CLTA: variants seen among roughly 807,000 people sequenced by gnomAD.
The protein encoded by CLTA is clathrin, light polypeptide (Lca).
CLTA carries 9 observed loss-of-function variants against 26.9 expected under a neutral mutation model. The observed-to-expected ratio is 0.33, with a 90% CI of 0.20 to 0.58. The LOEUF is 0.58. CLTA is among the 20% of genes least tolerant of loss of function. The pLI is 0.85. For synonymous variants in CLTA, 120 were observed against 115.5 expected, an observed-to-expected ratio of 1.04 and a Z score of -0.25; for missense variants, 278 against 294.2, an observed-to-expected ratio of 0.94 and a Z score of 0.40.
At chr9:36,205,755 G>GTTTTTTTTTTTT (rs746587996) in intron 4 of CLTA, among the ~76,000 whole-genome samples, 2 of 94,006 alleles carry the variant, frequency 2.1e-5, no homozygotes, top group African/African-American at 8.2e-5. Context: ...AATGACACCT[G>GTTTTTTTTTTTT]TTTTTTTTTT....
chr9:36,190,936 C>G lies in CLTA; in HGVS notation c.-121C>G, dbSNP rs1466545710. 4 of 1,417,370 alleles carry G rather than the reference C, an allele frequency of 2.8e-6. No individual in the cohort carries two copies. The highest frequency in any genetic ancestry group is 3.7e-6 in the Non-Finnish European group (4 of 1,092,038). 87.8% of individuals were successfully genotyped at this position (1,417,370 alleles called of 1,614,324 possible). A position where few individuals can be genotyped will look rare whatever the true frequency, so the allele number is the denominator to read the frequency against. ...GGTAGGGCTTCCGCTTTACCCGTCT[C>G]CCTCCTGGCGCTTGTCCTCCTCTCC... On this transcript the variant is annotated 5_prime_UTR_variant, in exon 1 of 5. Coordinates refer to ENST00000345519, the MANE Select transcript of CLTA (RefSeq NM_001833.4).
chr9:36,196,091 C>T (rs750650119), intron 1 of CLTA, among the ~76,000 whole-genome samples: 3 of 151,990 alleles, frequency 2.0e-5, no homozygotes, highest in Admixed American at 6.6e-5. Flanking sequence ...TCCTGGCCAA[C>T]GTGGTGAAAC....
intron 2 of CLTA, among the ~76,000 whole-genome samples, chr9:36,198,760 C>T (rs1827212625): frequency 6.7e-6 from 1 of 148,504 alleles, no homozygotes; most frequent in African/African-American, 2.5e-5. Context: ...GTAATCTCAG[C>T]TACTCGGGAG....
chr9:36,196,598 C>G (rs936294634), intron 1 of CLTA, among the ~76,000 whole-genome samples: 1 of 152,060 alleles, frequency 6.6e-6, no homozygotes, highest in Non-Finnish European at 1.5e-5. Flanking sequence ...ATCCTCCCAC[C>G]TTGGCCTCTC....
chr9:36,196,331 CTTTCTTT>C (rs1472059987), intron 1 of CLTA, among the ~76,000 whole-genome samples: 33 of 146,872 alleles, frequency 2.2e-4, no homozygotes, highest in South Asian at 1.3e-3. Context: ...CCTTTTTTTT[CTTTCTTT>C]TTTCTTTTTT....
chr9:36,203,166 A>G (rs1827519041), intron 3 of CLTA, among the ~76,000 whole-genome samples: 1 of 152,110 alleles, frequency 6.6e-6, no homozygotes, highest in Non-Finnish European at 1.5e-5. Context: ...CTATCTACTG[A>G]TGTATGTCTC....
rs1490666544 is a variant in CLTA, at chr9:36,199,014, T to C, written c.291T>C (p.Ile97=). The change falls in exon 3 of 5, where the codon ATT becomes ATC. Residue 97 remains isoleucine, a synonymous_variant. Coordinates refer to ENST00000345519, the MANE Select transcript of CLTA (RefSeq NM_001833.4). ...SNGPTDSYAA[I]SQVDRLQSEP... is the part of the protein sequence containing the mutation. ...GTCCAACAGACAGTTATGCAGCTAT[T>C]TCACAAGTGGATCGATTGCAGTCAG... The C allele has an allele frequency of 2.5e-6, 4 of 1,613,854 alleles. No homozygotes were observed. Among genetic ancestry groups the C allele is most frequent in the Non-Finnish European group, 3.4e-6 (4 of 1,179,830 alleles).
Position 36,199,599 on chromosome 9 carries a change from C to T in CLTA, c.373+503C>T, listed in dbSNP as rs575256516. Among the ~76,000 whole-genome samples, 806 of 149,160 alleles carry T rather than the reference C, an allele frequency of 5.4e-3. 11 individuals carry two copies. Among genetic ancestry groups the T allele is most frequent in the African/African-American group, 0.019 (750 of 39,850 alleles). ...CTGAGTAGCTGGGTCTACAGGCGCC[C>T]GCCACTACGTCCCGCTCATTTTTTT... On this transcript the variant is annotated intron_variant, in intron 3 of 4. Coordinates refer to ENST00000345519, the MANE Select transcript of CLTA (RefSeq NM_001833.4).
At chr9:36,207,791 A>G (rs1477494571) in intron 4 of CLTA, among the ~76,000 whole-genome samples, 1 of 152,242 alleles carries the variant, frequency 6.6e-6, no homozygotes, top group East Asian at 1.9e-4. Context: ...GACAGGAGTC[A>G]TGAAACCTCT....
intron 1 of CLTA, among the ~76,000 whole-genome samples, chr9:36,193,594 C>T (rs1463088316): frequency 6.6e-6 from 1 of 151,792 alleles, no homozygotes; most frequent in Non-Finnish European, 1.5e-5. Flanking sequence ...AGTTACAAGG[C>T]CTTTAGGCTT....
intron 4 of CLTA, among the ~76,000 whole-genome samples, chr9:36,205,840 A>G (rs1328679463): frequency 6.9e-6 from 1 of 145,784 alleles, no homozygotes; most frequent in Non-Finnish European, 1.5e-5. Flanking sequence ...GCTCACTGCA[A>G]GCTCCACCTC....
At chr9:36,210,684 C>A in intron 4 of CLTA, 1 of 1,613,878 alleles carries the variant, frequency 6.2e-7, no homozygotes. Flanking sequence ...TTCTCACTGC[C>A]CCTAACTGTG....
At chr9:36,208,679 G>GC (rs1320144818) in intron 4 of CLTA, among the ~76,000 whole-genome samples, 2 of 152,200 alleles carry the variant, frequency 1.3e-5, no homozygotes, top group Non-Finnish European at 2.9e-5. Flanking sequence ...GGGTCCTAGC[G>GC]CATCTGGTGT....
intron 3 of CLTA, among the ~76,000 whole-genome samples, chr9:36,201,271 C>T (rs1392922061): frequency 2.0e-5 from 3 of 152,134 alleles, no homozygotes; most frequent in Non-Finnish European, 4.4e-5. Flanking sequence ...TGAGAAAGCA[C>T]GCGATGCTAA....
At chr9:36,201,986 T>C (rs181502061) in intron 3 of CLTA, among the ~76,000 whole-genome samples, 13 of 151,652 alleles carry the variant, frequency 8.6e-5, no homozygotes, top group African/African-American at 2.9e-4. Context: ...TGGTGCACGC[T>C]TGTGGTCCCA....
Position 36,196,557 on chromosome 9 carries a change from C to T in CLTA, c.218-994C>T, listed in dbSNP as rs145955156. 3.0e-3 allele frequency among the ~76,000 whole-genome samples: 462 copies of T among 151,920 alleles called. 3 individuals carry two copies. The highest frequency in any genetic ancestry group is 0.011 in the African/African-American group (444 of 41,472). On this transcript the variant is annotated intron_variant, in intron 1 of 4. Transcript: ENST00000345519. ...TGGAGGTGGGTTTCACCATGTTGGC[C>T]AGGCAGGTCTTGAACTCCTGACCTC...
In CLTA at chr9:36,211,616, G is replaced by A; in HGVS notation, c.499G>A (p.Ala167Thr). The A allele has an allele frequency of 1.2e-6, 2 of 1,612,424 alleles. No individual in the cohort carries two copies. The highest frequency in any genetic ancestry group is 1.7e-6 in the Non-Finnish European group (2 of 1,178,730). ...TGTTGCTTCCAGGGCAGCAGAAGAAGCCTTTGTAAATGACATTGACGAGTC... is the reference window on the plus strand; with the variant it reads ...TGTTGCTTCCAGGGCAGCAGAAGAAACCTTTGTAAATGACATTGACGAGTC... Reference protein sequence around the residue: ...TKANNRAAEEAFVNDIDESSP... With the variant: ...TKANNRAAEETFVNDIDESSP... The change falls in exon 5 of 5, where the codon GCC (alanine) becomes ACC (threonine). Residue 167 changes from alanine (A) to threonine (T), a missense_variant. Coordinates refer to ENST00000345519, the MANE Select transcript of CLTA (RefSeq NM_001833.4).
At chr9:36,197,222 C>CA (rs1554651126) in intron 1 of CLTA, among the ~76,000 whole-genome samples, 1 of 150,152 alleles carries the variant, frequency 6.7e-6, no homozygotes. Flanking sequence ...CCAGGCCACA[C>CA]TTTTTTTTTT....
intron 3 of CLTA, 109 bp from the exon 4 acceptor site, chr9:36,203,959 A>C (rs750409204): frequency 6.9e-7 from 1 of 1,452,346 alleles, no homozygotes; most frequent in Non-Finnish European, 9.2e-7. Flanking sequence ...ACAGGCACAC[A>C]GACATGGACC....
Sources: gnomAD v4.1 joint callset for allele counts (sites outside exome capture counted in the v4.1 genomes callset) on GRCh38, gnomAD v4.1.1 for gene constraint, MANE v1.5 for transcripts, NCBI Gene and HGNC (gene_info 2026-07-23, HGNC 2026-07-21) for gene names.